CCN1: variants seen among roughly 807,000 people sequenced by gnomAD.
CCN1 encodes cellular communication network factor 1.
In CCN1, 12 loss-of-function variants were observed where a neutral mutation model predicts 38.1. The observed-to-expected ratio is 0.31, with a 90% CI of 0.20 to 0.51. The LOEUF (loss-of-function observed/expected upper bound fraction) is 0.51. CCN1 is among the 20% of genes least tolerant of loss of function. The pLI, the probability that CCN1 is intolerant of heterozygous loss-of-function variation, is 0.97. For synonymous variants in CCN1, 202 were observed against 196.1 expected (o/e 1.03, Z -0.25); for missense variants, 466 against 490.9 (o/e 0.95, Z 0.48).
At chr1:85,582,658 T>G in intron 4 of CCN1, 34 bp downstream of exon 4, 4 of 1,613,638 alleles carry the variant, frequency 2.5e-6, no homozygotes, top group Non-Finnish European at 3.4e-6. Context: ...GACTGTTGCC[T>G]GGCAGGTGGG....
At position 85,582,060 on chromosome 1, in the gene CCN1, A is replaced by T; in HGVS notation, c.410A>T (p.Glu137Val). The stretch of plus-strand genomic sequence containing the variant: ...GGCTGCATTCCTCTGTGTCCCCAAG[A>T]ACTATCTCTCCCCAACTTGGGCTGT... ...AVGCIPLCPQ[E>V]LSLPNLGCPN... Residue 137 changes from glutamate to valine, a missense_variant, in exon 3 of 5, where the codon GAA (glutamate) becomes GTA (valine). Physicochemically the swap from Glu to Val is moderately radical, Grantham distance 121. Around this residue, in one of 3 missense-constraint regions of CCN1, gnomAD observed 309 missense variants for 319.9 expected, o/e 0.97. Transcript: ENST00000451137. The T allele has an allele frequency of 6.8e-6, 11 of 1,614,140 alleles. No homozygotes were observed. Among genetic ancestry groups the T allele is most frequent in the Non-Finnish European group, 9.3e-6 (11 of 1,180,012 alleles).
chr1:85,580,977 G>T lies in CCN1; in HGVS notation c.-8G>T. 1 of 1,598,910 alleles carries T rather than the reference G, an allele frequency of 6.3e-7. No individual in the cohort carries two copies. Among genetic ancestry groups the T allele is most frequent in the South Asian group, 1.1e-5 (1 of 88,342 alleles). The stretch of plus-strand genomic sequence containing the variant: ...CGCGCTCGCCCCGGGCTACTCCTGC[G>T]CGCCACAATGAGCTCCCGCATCGCC... On this transcript the variant is annotated 5_prime_UTR_variant, in exon 1 of 5. Coordinates refer to ENST00000451137, the MANE Select transcript of CCN1 (RefSeq NM_001554.5).
At chr1:85,581,209 C>A in intron 1 of CCN1, 156 bp from the exon 2 acceptor site, 1 of 1,166,278 alleles carries the variant, frequency 8.6e-7, no homozygotes, top group Non-Finnish European at 1.2e-6. Context: ...CGTGTCGGGA[C>A]CTCTTGGTGG....
At position 85,580,963 on chromosome 1, in the gene CCN1, C is replaced by T. The variant is rs774021425; in HGVS notation, c.-22C>T. On this transcript the variant is annotated 5_prime_UTR_variant, in exon 1 of 5. Transcript: ENST00000451137. ...GGCGTCTTCGTCGCCGCGCTCGCCC[C>T]GGGCTACTCCTGCGCGCCACAATGA... 3.8e-6 allele frequency: 6 copies of T among 1,576,706 alleles called. No individual in the cohort carries two copies. Among genetic ancestry groups the T allele is most frequent in the African/African-American group, 1.4e-5 (1 of 72,164 alleles).
chr1:85,583,064 C>T lies in CCN1; in HGVS notation c.*22C>T. The T allele has an allele frequency of 6.3e-7, 1 of 1,593,542 alleles. No homozygotes were observed. Among genetic ancestry groups the T allele is most frequent in the African/African-American group, 1.3e-5 (1 of 74,586 alleles). ...CTAAATGCTACCTGGGTTTCCAGGGCACACCTAGACAAACAAGGGAGAAGA... is the reference window on the plus strand; with the variant it reads ...CTAAATGCTACCTGGGTTTCCAGGGTACACCTAGACAAACAAGGGAGAAGA... On this transcript the variant is annotated 3_prime_UTR_variant, in exon 5 of 5. Coordinates refer to ENST00000451137, the MANE Select transcript of CCN1 (RefSeq NM_001554.5).
intron 2 of CCN1, 54 bp downstream of exon 2, chr1:85,581,632 A>G: frequency 1.3e-6 from 2 of 1,565,922 alleles, no homozygotes; most frequent in Non-Finnish European, 1.7e-6. Context: ...CCCATAGTCC[A>G]GAAGTTTAGT....
rs530958161 is a variant in CCN1, at chr1:85,581,155, G to C, written c.63+108G>C. On this transcript the variant is annotated intron_variant, in intron 1 of 4. Coordinates refer to ENST00000451137, the MANE Select transcript of CCN1 (RefSeq NM_001554.5). The stretch of plus-strand genomic sequence containing the variant: ...AAAGTTAAAAAGTTCGCGATCGTTT[G>C]CGGGTAGCCGTTTCTTTAAGCACTC... 106 of 1,372,122 alleles carry C rather than the reference G, an allele frequency of 7.7e-5. No individual in the cohort carries two copies. The African/African-American group carries it at 1.4e-3, about 18-fold the overall frequency. 85.0% of individuals were successfully genotyped at this position (1,372,122 alleles called of 1,614,324 possible).
chr1:85,581,291 C>T, intron 1 of CCN1, 74 bp from the exon 2 acceptor site: 1 of 1,424,378 alleles, frequency 7.0e-7, no homozygotes, highest in Admixed American at 2.1e-5. Context: ...AGACCCCCGT[C>T]CCTCACTGCG....
chr1:85,580,887 C>T lies in CCN1; in HGVS notation c.-98C>T, dbSNP rs772182743. 2 of 1,215,034 alleles carry T rather than the reference C, an allele frequency of 1.6e-6. No individual in the cohort carries two copies. Among genetic ancestry groups the T allele is most frequent in the African/African-American group, 1.6e-5 (1 of 62,504 alleles). 75.3% of individuals were successfully genotyped at this position (1,215,034 alleles called of 1,614,324 possible). ...TCCCTGCCCACCGGGCCCACCGCGC[C>T]GCCACCCCGACCCCGCTGCGCACGG... On this transcript the variant is annotated 5_prime_UTR_variant, in exon 1 of 5. Coordinates refer to ENST00000451137, the MANE Select transcript of CCN1 (RefSeq NM_001554.5).
chr1:85,581,089 C>T (rs1659782082), intron 1 of CCN1, 42 bp downstream of exon 1: 1 of 1,565,990 alleles, frequency 6.4e-7, no homozygotes, highest in Non-Finnish European at 8.6e-7. Context: ...CCCGTCCGCT[C>T]TCCAGCCCCT....
At chr1:85,581,756 C>T in intron 2 of CCN1, 172 bp from the exon 3 acceptor site, 1 of 1,092,016 alleles carries the variant, frequency 9.2e-7, no homozygotes, top group East Asian at 2.4e-5. Flanking sequence ...AAAGCGCATA[C>T]GGAAAAGTGA....
chr1:85,581,776 A>G (rs914271518), intron 2 of CCN1, 152 bp from the exon 3 acceptor site: 65 of 1,095,808 alleles, frequency 5.9e-5, no homozygotes, highest in Non-Finnish European at 8.2e-5. Context: ...ATTCCTGACT[A>G]ACTTATTGTT....
rs755066033 is a variant in CCN1 at position 85,582,282 on chromosome 1, C to G, written c.632C>G (p.Pro211Arg). ...VGKGSSLKRL[P>R]VFGMEPRILY... ...AAAGGCAGCTCACTGAAGCGGCTCC[C>G]TGGTAAGTGGAGACTGAGCACTTCA... Residue 211 changes from proline to arginine, a missense_variant and splice_region_variant, in exon 3 of 5, where the codon CCT becomes CGT. Pro to Arg is a moderately radical substitution (Grantham distance 103). This residue lies in a region of CCN1 where 309 missense variants were observed against 319.9 expected (regional missense o/e 0.97). Transcript: ENST00000451137. 6.2e-7 allele frequency: 1 copy of G among 1,614,142 alleles called. No homozygotes were observed. Among genetic ancestry groups the G allele is most frequent in the South Asian group, 1.1e-5 (1 of 91,070 alleles).
rs780704620 is a variant in CCN1, at chr1:85,581,561, T to G, written c.260T>G (p.Leu87Arg). 6 of 1,613,956 alleles carry G rather than the reference T, an allele frequency of 3.7e-6. No homozygotes were observed. ...AACTTCGGCGCCAGCTCCACCGCTC[T>G]GAAGGGGATCTGCAGAGGTAAGATG... is the stretch of plus-strand genomic sequence containing the variant. ...ECNFGASSTA[L>R]KGICRAQSEG... The change falls in exon 2 of 5, where the codon CTG (leucine) becomes CGG (arginine). Residue 87 changes from leucine to arginine, a missense_variant. By Grantham distance (102) the Leu-to-Arg change is moderately radical. Coordinates refer to ENST00000451137, the MANE Select transcript of CCN1 (RefSeq NM_001554.5).
chr1:85,581,220 G>A (rs1269214912), intron 1 of CCN1, 145 bp from the exon 2 acceptor site: 1 of 1,168,502 alleles, frequency 8.6e-7, no homozygotes, highest in Non-Finnish European at 1.2e-6. Flanking sequence ...CTCTTGGTGG[G>A]AGCAGCCTTC....
intron 2 of CCN1, 55 bp downstream of exon 2, chr1:85,581,633 G>C (rs1240883833): frequency 6.4e-7 from 1 of 1,564,752 alleles, no homozygotes; most frequent in Non-Finnish European, 8.7e-7. Context: ...CCATAGTCCA[G>C]AAGTTTAGTA....
In CCN1 at chr1:85,581,437, G is replaced by C; in HGVS notation, c.136G>C (p.Val46Leu). The change falls in exon 2 of 5, where the codon GTC becomes CTC. Residue 46 changes from valine (V) to leucine (L), a missense_variant. Val to Leu is a conservative substitution (Grantham distance 32). Around this residue, in one of 3 missense-constraint regions of CCN1, gnomAD observed 146 missense variants for 141.1 expected, o/e 1.03. Transcript: ENST00000451137. ...CAAGTGCGCGCCGGGAGTCGGGCTG[G>C]TCCGGGACGGCTGCGGCTGCTGTAA... Reference protein sequence around the residue: ...APKCAPGVGLVRDGCGCCKVC... With the variant: ...APKCAPGVGLLRDGCGCCKVC... The C allele has an allele frequency of 6.2e-7, 1 of 1,609,930 alleles. No individual in the cohort carries two copies. The highest frequency in any genetic ancestry group is 8.5e-7 in the Non-Finnish European group (1 of 1,178,824).
chr1:85,582,935 G>A lies in CCN1; in HGVS notation c.1039G>A (p.Val347Ile), dbSNP rs775270401. Residue 347 changes from valine (V) to isoleucine (I), a missense_variant, in exon 5 of 5, where the codon GTC (valine) becomes ATC (isoleucine). Transcript: ENST00000451137. ...AGATGGGGAGACATTTTCCAAGAACGTCATGATGATCCAGTCCTGCAAATG... is the reference window on the plus strand; with the variant it reads ...AGATGGGGAGACATTTTCCAAGAACATCATGATGATCCAGTCCTGCAAATG... ...CEDGETFSKNVMMIQSCKCNY... is the reference protein window; with the variant it reads ...CEDGETFSKNIMMIQSCKCNY... The A allele has an allele frequency of 9.3e-6, 15 of 1,614,072 alleles. No individual in the cohort carries two copies. The highest frequency in any genetic ancestry group is 5.3e-5 in the African/African-American group (4 of 74,924).
In CCN1 at chr1:85,582,735, T is replaced by C. The variant is rs1235692849; in HGVS notation, c.844-5T>C. 1.2e-6 allele frequency: 2 copies of C among 1,613,016 alleles called. No homozygotes were observed. The highest frequency in any genetic ancestry group is 1.3e-5 in the African/African-American group (1 of 74,890). ...CTAACTTTCCTTCTCTCCTTTCTCT[T>C]ACAGAAGGGCAAGAAATGCAGCAAG... On this transcript the variant is annotated splice_region_variant and splice_polypyrimidine_tract_variant and intron_variant, in intron 4 of 4. Transcript: ENST00000451137.
Sources: gnomAD v4.1 joint callset for allele counts on GRCh38, gnomAD v4.1.1 for gene constraint, gnomAD v4.1.1 regional missense constraint, MANE v1.5 for transcripts, NCBI Gene and HGNC (gene_info 2026-07-23, HGNC 2026-07-21) for gene names.